Variants in EDC3 observed in about 807,000 individuals in gnomAD.
The protein encoded by EDC3 is enhancer of mRNA-decapping protein 3.
In EDC3, 20 loss-of-function variants were observed where a neutral mutation model predicts 41.8. The observed-to-expected ratio is 0.48, with a 90% CI of 0.34 to 0.70. EDC3 has a LOEUF of 0.70. EDC3 is among the 30% of genes least tolerant of loss of function. The probability of loss-of-function intolerance (pLI) is 0.01; values close to 1 mark genes in which losing one functional copy is unlikely to be tolerated. For missense variants in EDC3, 444 were observed against 636.8 expected (o/e 0.70, Z 3.26); for synonymous variants, 206 against 243.2 (o/e 0.85, Z 1.42).
chr15:74,655,165 T>C (rs911740766), intron 4 of EDC3, among the ~76,000 whole-genome samples: 7 of 152,178 alleles, frequency 4.6e-5, no homozygotes, highest in Non-Finnish European at 4.4e-5. Context: ...ACTGAGGTAA[T>C]AGAACTAGAT....
Position 74,672,826 on chromosome 15 carries a change from A to T in EDC3, c.165-1052T>A, listed in dbSNP as rs534268716. Among the ~76,000 whole-genome samples the T allele has an allele frequency of 1.8e-3, 269 of 149,998 alleles. 2 individuals are homozygous for T. The highest frequency in any genetic ancestry group is 2.4e-3 in the African/African-American group (98 of 40,936). ...TGAGACTCTGTCTCAAAAAAAAAAA[A>T]TTTTTTTTTTTAAGTGTTAAATGTT... On this transcript the variant is annotated intron_variant, in intron 2 of 6. Coordinates refer to ENST00000315127, the MANE Select transcript of EDC3 (RefSeq NM_025083.5).
chr15:74,640,493 G>A lies in EDC3; in HGVS notation c.947C>T (p.Ala316Val). The A allele has an allele frequency of 6.2e-7, 1 of 1,614,212 alleles. No individual in the cohort carries two copies. Among genetic ancestry groups the A allele is most frequent in the Non-Finnish European group, 8.5e-7 (1 of 1,180,034 alleles). The change falls in exon 5 of 7, where the codon GCA becomes GTA. Residue 316 changes from alanine to valine, a missense_variant. Physicochemically the swap from Ala to Val is moderately conservative, Grantham distance 64. Transcript: ENST00000315127. ...GTTAGGTCCTCCGAGGAGGGTCAGT[G>A]CCATCTGACTGGCACACACACCTGT... ...EMTGVCASQM[A>V]LTLLGGPNRL... is the part of the protein sequence containing the mutation.
chr15:74,653,318 A>G (rs747383262), intron 4 of EDC3, among the ~76,000 whole-genome samples: 1 of 152,122 alleles, frequency 6.6e-6, no homozygotes, highest in Non-Finnish European at 1.5e-5. Flanking sequence ...TATATATTCT[A>G]GTTTGCCTTT....
intron 4 of EDC3, chr15:74,644,106 T>C (rs1042707998): frequency 6.6e-6 from 1 of 152,144 alleles, no homozygotes; most frequent in South Asian, 2.1e-4. Context: ...GAAGGAAGGA[T>C]TTGTTATAAG....
chr15:74,669,089 A>G (rs956185559), intron 3 of EDC3, among the ~76,000 whole-genome samples: 2 of 151,954 alleles, frequency 1.3e-5, no homozygotes, highest in African/African-American at 4.8e-5. Context: ...TACAAAAATT[A>G]GCCGGGCGCA....
intron 4 of EDC3, among the ~76,000 whole-genome samples, chr15:74,651,977 A>G (rs2062485753): frequency 6.6e-6 from 1 of 152,234 alleles, no homozygotes; most frequent in Admixed American, 6.5e-5. Flanking sequence ...ACACTGTAGA[A>G]TACTGGTTGT....
At chr15:74,668,617 G>A (rs2062703881) in intron 3 of EDC3, among the ~76,000 whole-genome samples, 1 of 152,132 alleles carries the variant, frequency 6.6e-6, no homozygotes. Context: ...CTACTCAGGA[G>A]GCTGAGGTGG....
At position 74,635,492 on chromosome 15, in the gene EDC3, T is replaced by C. The variant is rs757398501; in HGVS notation, c.1109A>G (p.Asn370Ser). The change falls in exon 6 of 7, where the codon AAT (asparagine) becomes AGT (serine). Residue 370 changes from asparagine (N) to serine (S), a missense_variant. Coordinates refer to ENST00000315127, the MANE Select transcript of EDC3 (RefSeq NM_025083.5). The stretch of plus-strand genomic sequence containing the variant: ...GATAGATTCCAACATCTTGACAAAA[T>C]TGGGCAGGAAAAGGATGACCTGGAC... ...HDVQVILFLP[N>S]FVKMLESITN... The C allele has an allele frequency of 6.2e-7, 1 of 1,614,104 alleles. No individual in the cohort carries two copies. Among genetic ancestry groups the C allele is most frequent in the African/African-American group, 1.3e-5 (1 of 74,926 alleles).
At chr15:74,652,064 C>T (rs1006951963) in intron 4 of EDC3, among the ~76,000 whole-genome samples, 7 of 152,150 alleles carry the variant, frequency 4.6e-5, no homozygotes, top group Non-Finnish European at 7.3e-5. Flanking sequence ...ACCTGCATAT[C>T]GCTAGCTCAG....
intron 3 of EDC3, among the ~76,000 whole-genome samples, chr15:74,660,031 G>A (rs1344937260): frequency 2.0e-5 from 3 of 151,194 alleles, no homozygotes; most frequent in Non-Finnish European, 2.9e-5. Flanking sequence ...GTGACAGAGC[G>A]AGACTCTGTC....
rs548592641 is a variant in EDC3 at position 74,680,636 on chromosome 15, C to T, written c.-18-5494G>A. Among the ~76,000 whole-genome samples, 332 of 151,978 alleles carry T rather than the reference C, an allele frequency of 2.2e-3. 3 individuals carry two copies. The highest frequency in any genetic ancestry group is 2.9e-3 in the Non-Finnish European group (200 of 67,984). ...TACTCAACACAGCTCTAGAAGTTCT[C>T]GCAATAAAGCAAGAAACAGATAAAA... On this transcript the variant is annotated intron_variant, in intron 1 of 6. Coordinates refer to ENST00000315127, the MANE Select transcript of EDC3 (RefSeq NM_025083.5).
chr15:74,673,696 C>T (rs1206992195), intron 2 of EDC3, among the ~76,000 whole-genome samples: 1 of 151,846 alleles, frequency 6.6e-6, no homozygotes, highest in Admixed American at 6.6e-5. Context: ...CAAAATTAGT[C>T]GGGCATGGTG....
At chr15:74,648,872 A>G (rs542992568) in intron 4 of EDC3, among the ~76,000 whole-genome samples, 8 of 152,220 alleles carry the variant, frequency 5.3e-5, no homozygotes, top group African/African-American at 1.9e-4. Context: ...ACCCAGAAGG[A>G]AAGGCTCATG....
chr15:74,660,528 AAAAGC>A (rs900433492), intron 3 of EDC3, among the ~76,000 whole-genome samples: 21 of 151,758 alleles, frequency 1.4e-4, no homozygotes, highest in African/African-American at 4.4e-4. Flanking sequence ...ATGTGGGTGA[AAAAGC>A]AGAGCTGGAT....
At chr15:74,676,316 G>A (rs1213610331) in intron 1 of EDC3, among the ~76,000 whole-genome samples, 1 of 152,088 alleles carries the variant, frequency 6.6e-6, no homozygotes, top group Non-Finnish European at 1.5e-5. Flanking sequence ...AAAATCAATT[G>A]TCTAAGCTTC....
At chr15:74,633,696 G>A (rs112202404) in intron 6 of EDC3, among the ~76,000 whole-genome samples, 8 of 152,340 alleles carry the variant, frequency 5.3e-5, no homozygotes, top group African/African-American at 1.2e-4. Context: ...CTTAATGGTC[G>A]TTGAGACTTG....
intron 4 of EDC3, among the ~76,000 whole-genome samples, chr15:74,647,843 A>T (rs1286877760): frequency 6.6e-6 from 1 of 152,230 alleles, no homozygotes; most frequent in African/African-American, 2.4e-5. Context: ...AAGTTGTGAC[A>T]CTTCGCAGAG....
chr15:74,656,184 G>A lies in EDC3; in HGVS notation c.485-116C>T, dbSNP rs2062546320. The A allele has an allele frequency of 3.1e-6, 3 of 972,988 alleles. No homozygotes were observed. In the South Asian group the frequency reaches 5.0e-5, roughly 16 times the overall value. 60.3% of individuals were successfully genotyped at this position (972,988 alleles called of 1,614,324 possible). A position where few individuals can be genotyped will look rare whatever the true frequency, so the allele number is the denominator to read the frequency against. On this transcript the variant is annotated intron_variant, in intron 3 of 6. Coordinates refer to ENST00000315127, the MANE Select transcript of EDC3 (RefSeq NM_025083.5). The stretch of plus-strand genomic sequence containing the variant: ...CAGGAACCAATGTGAAAATGGTAAA[G>A]GTAACTATTGCAAACTCATATTAAG...
chr15:74,675,774 G>A (rs914767298), intron 1 of EDC3, among the ~76,000 whole-genome samples: 7 of 151,552 alleles, frequency 4.6e-5, no homozygotes, highest in East Asian at 3.9e-4. Flanking sequence ...CCAGCTACCC[G>A]GGAAGCTGAG....
Sources: allele counts gnomAD v4.1 joint callset (sites outside exome capture counted in the v4.1 genomes callset), GRCh38; gene constraint gnomAD v4.1.1; transcripts MANE v1.5; gene names NCBI Gene and HGNC (gene_info 2026-07-23, HGNC 2026-07-21).